Variants in ESRP1 observed in about 807,000 individuals in gnomAD.
ESRP1 encodes RNA-binding motif protein 35A.
A neutral mutation model predicts 81.7 loss-of-function variants in ESRP1; 33 were observed. That is an observed-to-expected ratio of 0.40 (90% CI 0.31 to 0.54). ESRP1 has a LOEUF of 0.54. Ranked by LOEUF, ESRP1 falls within the 20% of genes least tolerant of loss-of-function variation. ESRP1 has a pLI of 0.41. For missense variants in ESRP1, 672 were observed against 833.1 expected (o/e 0.81, Z 2.38); for synonymous variants, 320 against 303.3 (o/e 1.06, Z -0.57).
intron 6 of ESRP1, among the ~76,000 whole-genome samples, chr8:94,663,935 C>G (rs1036671167): frequency 5.3e-5 from 8 of 152,188 alleles, no homozygotes; most frequent in African/African-American, 1.7e-4. Flanking sequence ...TGGCAGACTT[C>G]CTACCATGCA....
At chr8:94,692,941 C>A in intron 14 of ESRP1, 114 bp downstream of exon 14, 1 of 1,143,692 alleles carries the variant, frequency 8.7e-7, no homozygotes, top group South Asian at 1.7e-5. Context: ...TGTATATATG[C>A]TAATGGATTT....
At chr8:94,651,828 C>A (rs1293429698) in intron 4 of ESRP1, among the ~76,000 whole-genome samples, 1 of 151,874 alleles carries the variant, frequency 6.6e-6, no homozygotes, top group Non-Finnish European at 1.5e-5. Flanking sequence ...ACAGGCTGGT[C>A]TTGAACTCCT....
intron 13 of ESRP1, among the ~76,000 whole-genome samples, chr8:94,689,441 A>G (rs1247635421): frequency 6.6e-6 from 1 of 151,828 alleles, no homozygotes; most frequent in African/African-American, 2.4e-5. Context: ...TGGTTGTTGT[A>G]GTGTATAGAA....
intron 13 of ESRP1, among the ~76,000 whole-genome samples, chr8:94,691,077 C>G (rs1413752578): frequency 6.6e-6 from 1 of 152,188 alleles, no homozygotes; most frequent in African/African-American, 2.4e-5. Flanking sequence ...TGGCGAATGT[C>G]CTACTCAGAC....
chr8:94,652,010 T>TTGA (rs1216503816), intron 4 of ESRP1, among the ~76,000 whole-genome samples: 5 of 141,342 alleles, frequency 3.5e-5, no homozygotes, highest in African/African-American at 8.6e-5. Flanking sequence ...TTTTTTTTTT[T>TTGA]GACAGAGTTT....
At chr8:94,684,656 A>G (rs1426505302) in intron 13 of ESRP1, among the ~76,000 whole-genome samples, 1 of 152,200 alleles carries the variant, frequency 6.6e-6, no homozygotes, top group Non-Finnish European at 1.5e-5. Flanking sequence ...ATGTGAAACA[A>G]TATGTAGTCA....
chr8:94,641,903 G>T, intron 1 of ESRP1, 53 bp from the exon 2 acceptor site: 1 of 1,604,052 alleles, frequency 6.2e-7, no homozygotes, highest in Non-Finnish European at 8.5e-7. Context: ...GGAGGGTGCA[G>T]AAAGAGGCTC....
chr8:94,673,069 C>T (rs991018343), intron 11 of ESRP1, among the ~76,000 whole-genome samples: 12 of 152,158 alleles, frequency 7.9e-5, no homozygotes, highest in Non-Finnish European at 1.5e-5. Context: ...CCTTCTATAC[C>T]AGTTTTCTGC....
intron 10 of ESRP1, among the ~76,000 whole-genome samples, chr8:94,670,196 C>T (rs555768675): frequency 3.9e-5 from 6 of 152,250 alleles, no homozygotes; most frequent in African/African-American, 1.4e-4. Flanking sequence ...AAGTTTTGAA[C>T]TAGTCATAGG....
chr8:94,698,939 T>C (rs908341331), intron 15 of ESRP1, among the ~76,000 whole-genome samples: 1 of 152,104 alleles, frequency 6.6e-6, no homozygotes, highest in African/African-American at 2.4e-5. Context: ...TACCAAGGAG[T>C]GTCACGTACG....
chr8:94,678,078 G>T, intron 12 of ESRP1, 125 bp from the exon 13 acceptor site: 1 of 984,500 alleles, frequency 1.0e-6, no homozygotes, highest in Non-Finnish European at 1.5e-6. Context: ...GCTTGGGATA[G>T]GATAAAGAAC....
intron 15 of ESRP1, among the ~76,000 whole-genome samples, chr8:94,704,469 T>C (rs1809975799): frequency 6.6e-6 from 1 of 151,910 alleles, no homozygotes; most frequent in Non-Finnish European, 1.5e-5. Flanking sequence ...TATATCTCTT[T>C]TATTTAGCCT....
rs538590156 is a variant in ESRP1 at position 94,654,083 on chromosome 8, C to T, written c.490+7801C>T. On this transcript the variant is annotated intron_variant, in intron 4 of 15. Transcript: ENST00000433389. ...CCTGTAATCCCAGCACTTTGGGAGG[C>T]GGAGGCAGGTGGATAATGTGAGGTC... is the stretch of plus-strand genomic sequence containing the variant. 2.6e-5 allele frequency among the ~76,000 whole-genome samples: 4 copies of T among 152,226 alleles called. No individual in the cohort carries two copies. The South Asian group carries it at 6.2e-4, about 24-fold the overall frequency.
chr8:94,689,811 C>CTTTTTTTTTTTTTTTTTTTTTTTTTTTT (rs58359551), intron 13 of ESRP1, among the ~76,000 whole-genome samples: 29 of 64,666 alleles, frequency 4.5e-4, no homozygotes, highest in Non-Finnish European at 6.2e-4. Context: ...TGATGCCTGG[C>CTTTTTTTTTTTTTTTTTTTTTTTTTTTT]TTTTTTTTTT....
rs531097409 is a variant in ESRP1 at position 94,692,665 on chromosome 8, C to G, written c.1821-12C>G. 33 of 1,611,574 alleles carry G rather than the reference C, an allele frequency of 2.0e-5. No individual in the cohort carries two copies. The East Asian group carries it at 6.9e-4, about 34-fold the overall frequency. ...TATTCCTATTGGTTCACTGTGCTTTCTCTCCCTTTAGCCCCCCAGGTTCGC... is the reference window on the plus strand; with the variant it reads ...TATTCCTATTGGTTCACTGTGCTTTGTCTCCCTTTAGCCCCCCAGGTTCGC... On this transcript the variant is annotated splice_polypyrimidine_tract_variant and intron_variant, in intron 13 of 15. Coordinates refer to ENST00000433389, the MANE Select transcript of ESRP1 (RefSeq NM_017697.4).
At chr8:94,668,376 A>T (rs1039686695) in intron 10 of ESRP1, 126 bp downstream of exon 10, 17 of 903,160 alleles carry the variant, frequency 1.9e-5, no homozygotes, top group Non-Finnish European at 2.8e-5. Context: ...TAACTGCATG[A>T]AAATAGTCTT....
chr8:94,702,076 A>G (rs781233142), intron 15 of ESRP1, among the ~76,000 whole-genome samples: 2 of 152,214 alleles, frequency 1.3e-5, no homozygotes, highest in East Asian at 1.9e-4. Flanking sequence ...AGAGTTAATG[A>G]ATGAAAACAA....
chr8:94,642,166 G>A (rs1359594005), intron 2 of ESRP1, 82 bp downstream of exon 2: 2 of 1,521,112 alleles, frequency 1.3e-6, no homozygotes, highest in Admixed American at 3.7e-5. Flanking sequence ...CGGCCCACGC[G>A]TGTTCCCGGA....
intron 13 of ESRP1, among the ~76,000 whole-genome samples, chr8:94,687,158 T>C (rs1418357169): frequency 2.0e-5 from 3 of 152,186 alleles, no homozygotes; most frequent in Admixed American, 1.3e-4. Flanking sequence ...GTCCTCTATC[T>C]CTTCACTGAC....
Sources: allele counts gnomAD v4.1 joint callset (sites outside exome capture counted in the v4.1 genomes callset), GRCh38; gene constraint gnomAD v4.1.1; transcripts MANE v1.5; gene names NCBI Gene and HGNC (gene_info 2026-07-23, HGNC 2026-07-21).